Variants in ZFHX3 observed in about 807,000 individuals in gnomAD.
The protein encoded by ZFHX3 is zinc finger homeobox protein 3.
In ZFHX3, 42 loss-of-function variants were observed where a neutral mutation model predicts 279.1. The ratio of observed to expected loss-of-function variants is 0.15; its 90% CI spans 0.12 to 0.19. The LOEUF is 0.19. ZFHX3 is among the 10% of genes least tolerant of loss of function. ZFHX3 has a pLI of 1.00. For synonymous variants in ZFHX3, 2,293 were observed against 1,957.8 expected (o/e 1.17, Z -4.52); for missense variants, 4,981 against 4,754.0 (o/e 1.05, Z -1.40).
At chr16:73,737,439 C>G (rs921733862) in intron 1 of ZFHX3, among the ~76,000 whole-genome samples, 5 of 152,170 alleles carry the variant, frequency 3.3e-5, no homozygotes, top group African/African-American at 9.7e-5. Context: ...TTTGATCATC[C>G]TTTGTGGGAT....
chr16:73,319,315 T>C (rs2015523771), intron 3 of ZFHX3, among the ~76,000 whole-genome samples: 1 of 151,946 alleles, frequency 6.6e-6, no homozygotes, highest in African/African-American at 2.4e-5. Flanking sequence ...CATGTCCCTT[T>C]ATCATTTTAT....
At chr16:73,032,075 T>G (rs1044548456) in intron 1 of ZFHX3, among the ~76,000 whole-genome samples, 3 of 152,176 alleles carry the variant, frequency 2.0e-5, no homozygotes, top group African/African-American at 4.8e-5. Flanking sequence ...GCGCAGTGGC[T>G]CACGCCTGTA....
At chr16:73,875,975 T>C (rs2029933655) in intron 1 of ZFHX3, among the ~76,000 whole-genome samples, 1 of 152,254 alleles carries the variant, frequency 6.6e-6, no homozygotes, top group Non-Finnish European at 1.5e-5. Flanking sequence ...ACTGGGCCTT[T>C]CCATTCCTTC....
At chr16:73,431,810 T>C (rs890387039) in intron 3 of ZFHX3, among the ~76,000 whole-genome samples, 1 of 152,090 alleles carries the variant, frequency 6.6e-6, no homozygotes, top group Admixed American at 6.5e-5. Flanking sequence ...AAACCAAGTG[T>C]AAGGAGGCAG....
At chr16:73,604,742 GAA>G (rs35492989) in intron 2 of ZFHX3, among the ~76,000 whole-genome samples, 341 of 138,510 alleles carry the variant, frequency 2.5e-3, no homozygotes, top group Middle Eastern at 7.4e-3. Flanking sequence ...GAGACTCCGT[GAA>G]AAAAAAAAAA....
intron 2 of ZFHX3, chr16:73,483,421 A>G (rs1178915095): frequency 2.2e-6 from 1 of 455,346 alleles, no homozygotes; most frequent in Non-Finnish European, 4.4e-6. Context: ...CTGGAAGAAA[A>G]GATGAGAAGG....
intron 3 of ZFHX3, among the ~76,000 whole-genome samples, chr16:73,413,789 T>A (rs2017516943): frequency 6.6e-6 from 1 of 152,242 alleles, no homozygotes; most frequent in African/African-American, 2.4e-5. Flanking sequence ...TTTCTACACG[T>A]ATGTAATGAG....
chr16:73,285,558 C>T (rs2014574883), intron 4 of ZFHX3, among the ~76,000 whole-genome samples: 1 of 152,254 alleles, frequency 6.6e-6, no homozygotes, highest in South Asian at 2.1e-4. Flanking sequence ...CTCTTGCCAT[C>T]TGTGGCTCTG....
intron 4 of ZFHX3, among the ~76,000 whole-genome samples, chr16:73,303,963 G>GAAAAA (rs201865011): frequency 4.1e-4 from 31 of 76,108 alleles, no homozygotes; most frequent in Non-Finnish European, 5.3e-4. Flanking sequence ...ACCCTAGGTG[G>GAAAAA]AAAAAAAAAA....
intron 4 of ZFHX3, among the ~76,000 whole-genome samples, chr16:72,857,287 A>T (rs1389895155): frequency 6.6e-6 from 1 of 152,260 alleles, no homozygotes; most frequent in Non-Finnish European, 1.5e-5. Flanking sequence ...AGGCTAACCA[A>T]ATCACAAGGT....
At chr16:73,760,622 C>T (rs1350094675) in intron 1 of ZFHX3, among the ~76,000 whole-genome samples, 2 of 152,138 alleles carry the variant, frequency 1.3e-5, no homozygotes, top group African/African-American at 4.8e-5. Flanking sequence ...AAAGCTTATC[C>T]ACTATAATCA....
intron 1 of ZFHX3, among the ~76,000 whole-genome samples, chr16:73,854,361 A>G (rs1961664699): frequency 1.3e-5 from 2 of 152,084 alleles, no homozygotes; most frequent in African/African-American, 4.8e-5. Flanking sequence ...CTTCGCCTCT[A>G]CTAAAAAATA....
At chr16:73,310,646 G>C (rs1597277491) in intron 4 of ZFHX3, among the ~76,000 whole-genome samples, 1 of 152,174 alleles carries the variant, frequency 6.6e-6, no homozygotes, top group East Asian at 1.9e-4. Context: ...GAATTATCCA[G>C]TCCAAAATGT....
At chr16:73,738,163 A>G (rs1179707390) in intron 1 of ZFHX3, among the ~76,000 whole-genome samples, 1 of 152,170 alleles carries the variant, frequency 6.6e-6, no homozygotes. Flanking sequence ...AAGTTTGGGG[A>G]CCTGTTGGGC....
chr16:73,225,326 G>A (rs928844151), intron 5 of ZFHX3, among the ~76,000 whole-genome samples: 1 of 152,150 alleles, frequency 6.6e-6, no homozygotes, highest in African/African-American at 2.4e-5. Flanking sequence ...GGTTTTAAAA[G>A]ATTTGAGGGC....
At position 73,461,946 on chromosome 16, in the gene ZFHX3, A is replaced by G. The variant is rs148323949; in HGVS notation, c.-1546-5688T>C. Among the ~76,000 whole-genome samples, 8 of 152,314 alleles carry G rather than the reference A, an allele frequency of 5.3e-5. No individual in the cohort carries two copies. In the East Asian group the frequency reaches 1.5e-3, roughly 29 times the overall value. Reference sequence around the variant, plus strand: ...GATAGGAATTAGACTAAGCCTATATATCAGTTTTGAGGAAAATTGACATCT... The same window carrying G: ...GATAGGAATTAGACTAAGCCTATATGTCAGTTTTGAGGAAAATTGACATCT... On this transcript the variant is annotated intron_variant, in intron 2 of 17. Transcript: ENST00000641206.
chr16:73,165,987 A>G (rs1393460985), intron 5 of ZFHX3, among the ~76,000 whole-genome samples: 1 of 152,234 alleles, frequency 6.6e-6, no homozygotes, highest in Non-Finnish European at 1.5e-5. Context: ...TTTAATGAGC[A>G]GAAATATGAA....
Position 73,705,626 on chromosome 16 carries a change from C to T in ZFHX3, c.-1607-25386G>A, listed in dbSNP as rs576620366. On this transcript the variant is annotated intron_variant, in intron 1 of 17. Coordinates refer to the ZFHX3 transcript ENST00000641206. ...GTCCTTAGCTAGACATGCATTTCCTCCACGTTTATTAAGTTCTAAACCCAT... is the reference window on the plus strand; with the variant it reads ...GTCCTTAGCTAGACATGCATTTCCTTCACGTTTATTAAGTTCTAAACCCAT... Among the ~76,000 whole-genome samples, 9 of 152,276 alleles carry T rather than the reference C, an allele frequency of 5.9e-5. No individual in the cohort carries two copies. The South Asian group carries it at 1.9e-3, about 32-fold the overall frequency.
intron 1 of ZFHX3, among the ~76,000 whole-genome samples, chr16:73,755,157 C>T (rs2053796858): frequency 6.6e-6 from 1 of 152,120 alleles, no homozygotes; most frequent in South Asian, 2.1e-4. Context: ...CTTGCTTAAC[C>T]ACTCATCCGT....
Sources: gnomAD v4.1 joint callset for allele counts (sites outside exome capture counted in the v4.1 genomes callset) on GRCh38, gnomAD v4.1.1 for gene constraint, MANE v1.5 for transcripts, NCBI Gene and HGNC (gene_info 2026-07-23, HGNC 2026-07-21) for gene names.